TMX3: variants seen among roughly 807,000 people sequenced by gnomAD.
TMX3 encodes protein disulfide-isomerase TMX3.
TMX3 carries 40 observed loss-of-function variants against 64.4 expected under a neutral mutation model. The ratio of observed to expected loss-of-function variants is 0.62; its 90% CI spans 0.48 to 0.81. TMX3 has a LOEUF of 0.81. Among genes scored for constraint, TMX3 ranks in the 30% least tolerant of loss-of-function variants. TMX3 has a pLI of 0.00. For synonymous variants in TMX3, 189 were observed against 175.7 expected (o/e 1.08, Z -0.60); for missense variants, 497 against 534.5 (o/e 0.93, Z 0.69).
At chr18:68,680,013 T>C (rs567124908) in intron 14 of TMX3, among the ~76,000 whole-genome samples, 1 of 152,170 alleles carries the variant, frequency 6.6e-6, no homozygotes, top group South Asian at 2.1e-4. Context: ...TTCCAAGCTC[T>C]ATGAGACAAT....
chr18:68,707,302 A>T (rs1391731799), intron 4 of TMX3, among the ~76,000 whole-genome samples: 4 of 151,916 alleles, frequency 2.6e-5, no homozygotes, highest in Admixed American at 2.0e-4. Context: ...GGGATGGTGG[A>T]GGTTTATCCA....
chr18:68,710,579 T>G (rs770330929), intron 3 of TMX3, among the ~76,000 whole-genome samples: 2 of 152,196 alleles, frequency 1.3e-5, no homozygotes, highest in African/African-American at 4.8e-5. Flanking sequence ...TGAGTTCTAT[T>G]GTAACCACTG....
chr18:68,708,027 GTATA>G (rs1396146511), intron 4 of TMX3, among the ~76,000 whole-genome samples: 4 of 134,202 alleles, frequency 3.0e-5, no homozygotes, highest in African/African-American at 1.5e-4. Flanking sequence ...GTATATATGT[GTATA>G]TGTGTATATA....
chr18:68,714,603 C>A (rs1401814218), intron 1 of TMX3, among the ~76,000 whole-genome samples: 2 of 151,980 alleles, frequency 1.3e-5, no homozygotes, highest in African/African-American at 2.4e-5. Flanking sequence ...AAGATTTGGT[C>A]GTTAAGCTGG....
In TMX3 at chr18:68,677,339, T is replaced by C. The variant is rs138794300; in HGVS notation, c.1105-146A>G. On this transcript the variant is annotated intron_variant, in intron 15 of 15. Transcript: ENST00000299608. ...ATGAATCAATCATTTCAGCAGTAAC[T>C]ACCATGTGAAAGACACTGTTAAGAG... The C allele has an allele frequency of 2.2e-4, 182 of 832,196 alleles. No individual in the cohort carries two copies. The East Asian group carries it at 4.7e-3, about 22-fold the overall frequency. 51.6% of individuals were successfully genotyped at this position (832,196 alleles called of 1,614,324 possible). A position where few individuals can be genotyped will look rare whatever the true frequency, so the allele number is the denominator to read the frequency against.
intron 2 of TMX3, among the ~76,000 whole-genome samples, 194 bp downstream of exon 2, chr18:68,713,651 GC>G (rs1215900663): frequency 6.6e-6 from 1 of 152,098 alleles, no homozygotes; most frequent in Admixed American, 6.5e-5. Context: ...GTAAAAGTTT[GC>G]CACAGTTTTT....
chr18:68,691,936 T>C (rs771272295), intron 8 of TMX3, among the ~76,000 whole-genome samples: 1 of 152,098 alleles, frequency 6.6e-6, no homozygotes, highest in Non-Finnish European at 1.5e-5. Flanking sequence ...GACAAATAAT[T>C]TGAGTAAGCC....
intron 13 of TMX3, among the ~76,000 whole-genome samples, chr18:68,682,438 T>C (rs1913526094): frequency 3.3e-5 from 5 of 152,208 alleles, no homozygotes. Context: ...TCTAGAACAA[T>C]TCGTTTTTGA....
chr18:68,701,897 T>C lies in TMX3; in HGVS notation c.266-107A>G, dbSNP rs538628463. 1.3e-4 allele frequency: 109 copies of C among 808,326 alleles called. No individual in the cohort carries two copies. In the East Asian group the frequency reaches 2.7e-3, roughly 20 times the overall value. The allele number at this position is 808,326 out of a possible 1,614,324, so 50.1% of individuals were successfully genotyped here. A position where few individuals can be genotyped will look rare whatever the true frequency, so the allele number is the denominator to read the frequency against. On this transcript the variant is annotated intron_variant, in intron 4 of 15. Transcript: ENST00000299608. Reference sequence around the variant, plus strand: ...AATAGAGATATTTATACAACCCATATAGATACGTTGTTTTTAAGTCTTAAG... The same window carrying C: ...AATAGAGATATTTATACAACCCATACAGATACGTTGTTTTTAAGTCTTAAG...
At chr18:68,691,912 A>C (rs1285861630) in intron 8 of TMX3, among the ~76,000 whole-genome samples, 1 of 152,216 alleles carries the variant, frequency 6.6e-6, no homozygotes, top group Non-Finnish European at 1.5e-5. Context: ...TATACTAGAA[A>C]ACAAATATCA....
chr18:68,710,026 T>A lies in TMX3; in HGVS notation c.260A>T (p.Tyr87Phe). The A allele has an allele frequency of 6.3e-7, 1 of 1,586,846 alleles. No homozygotes were observed. The highest frequency in any genetic ancestry group is 8.6e-7 in the Non-Finnish European group (1 of 1,169,108). ...TAAACTAAGTGAAGGCTTACTAGAA[T>A]AGGAAGTAGCATCCATCTTTCCAAC... The part of the protein sequence containing the change: ...VKVGKMDATS[Y>F]SSIASEFGVR... Residue 87 changes from tyrosine to phenylalanine, a missense_variant, in exon 4 of 16, where the codon TAT becomes TTT. This residue lies in a region of TMX3 where 360 missense variants were observed against 383.5 expected (regional missense o/e 0.94). Transcript: ENST00000299608.
intron 13 of TMX3, chr18:68,681,526 C>T: frequency 1.0e-6 from 1 of 984,652 alleles, no homozygotes; most frequent in Non-Finnish European, 1.2e-6. Flanking sequence ...TAATCTTTGG[C>T]AAATCCTCTT....
rs1447236902 is a variant in TMX3, at chr18:68,673,834, A to G, written c.*3099T>C. On this transcript the variant is annotated 3_prime_UTR_variant, in exon 16 of 16. Transcript: ENST00000299608. ...CAAAGTAGAAAATTATTTTTTGCCC[A>G]CTCTTGGACTCAGACACATTCAGAA... 1 of 152,060 alleles carries G rather than the reference A, an allele frequency of 6.6e-6. No individual in the cohort carries two copies. Among genetic ancestry groups the G allele is most frequent in the African/African-American group, 2.4e-5 (1 of 41,432 alleles). 9.4% of individuals were successfully genotyped at this position (152,060 alleles called of 1,614,324 possible).
chr18:68,676,377 C>T lies in TMX3; in HGVS notation c.*556G>A, dbSNP rs1361487560. 6.6e-6 allele frequency: 1 copy of T among 152,136 alleles called. No homozygotes were observed. The highest frequency in any genetic ancestry group is 1.5e-5 in the Non-Finnish European group (1 of 68,078). 9.4% of individuals were successfully genotyped at this position (152,136 alleles called of 1,614,324 possible). On this transcript the variant is annotated 3_prime_UTR_variant, in exon 16 of 16. Coordinates refer to ENST00000299608, the MANE Select transcript of TMX3 (RefSeq NM_019022.5). ...AAGTTAAAAAGTAACATTTCTTCTC[C>T]TTTAAAAATAACTAACAAAATAAAA...
chr18:68,689,324 T>C (rs991002178), intron 9 of TMX3, among the ~76,000 whole-genome samples: 11 of 151,902 alleles, frequency 7.2e-5, no homozygotes. Context: ...GATGCTTTCC[T>C]AGGCAGGCTC....
At chr18:68,682,767 T>C (rs182536918) in intron 13 of TMX3, among the ~76,000 whole-genome samples, 158 bp downstream of exon 13, 15 of 152,168 alleles carry the variant, frequency 9.9e-5, no homozygotes, top group African/African-American at 3.6e-4. Context: ...AAATACAGAA[T>C]TGGAAAACTA....
chr18:68,680,583 G>C (rs567862509), intron 14 of TMX3, among the ~76,000 whole-genome samples: 59 of 152,062 alleles, frequency 3.9e-4, no homozygotes, highest in Middle Eastern at 6.8e-3. Flanking sequence ...CAATCCTAAC[G>C]ACTTAATCCA....
At chr18:68,701,891 C>T (rs892585782) in intron 4 of TMX3, 101 bp from the exon 5 acceptor site, 29 of 874,218 alleles carry the variant, frequency 3.3e-5, no homozygotes, top group Non-Finnish European at 4.3e-5. Flanking sequence ...ATTTATACAA[C>T]CCATATAGAT....
chr18:68,700,709 C>A (rs1257202042), intron 5 of TMX3: 1 of 973,842 alleles, frequency 1.0e-6, no homozygotes, highest in East Asian at 1.1e-4. Flanking sequence ...ATGAAAATAT[C>A]TTACTCTGCA....
Sources: gnomAD v4.1 joint callset for allele counts (sites outside exome capture counted in the v4.1 genomes callset) on GRCh38, gnomAD v4.1.1 for gene constraint, gnomAD v4.1.1 regional missense constraint, MANE v1.5 for transcripts, NCBI Gene and HGNC (gene_info 2026-07-23, HGNC 2026-07-21) for gene names.